WWOX: variants seen among roughly 807,000 people sequenced by gnomAD.
WWOX encodes the protein WW domain containing oxidoreductase.
WWOX carries 69 observed loss-of-function variants against 46.2 expected under a neutral mutation model. The observed-to-expected ratio is 1.49, with a 90% CI of 1.23 to 1.82. The LOEUF is 1.82. Among genes scored for constraint, WWOX ranks in the 40% most tolerant of loss-of-function variants. The pLI is 0.00. For missense variants in WWOX, 919 were observed against 542.6 expected, an observed-to-expected ratio of 1.69 and a Z score of -6.89; for synonymous variants, 359 against 202.6, an observed-to-expected ratio of 1.77 and a Z score of -6.56.
chr16:78,767,757 T>C (rs1013835232), intron 8 of WWOX, among the ~76,000 whole-genome samples: 1 of 152,158 alleles, frequency 6.6e-6, no homozygotes, highest in Non-Finnish European at 1.5e-5. Flanking sequence ...AGAATAGCCA[T>C]CTGAGTGAAG....
At chr16:78,860,239 C>T (rs1179492173) in intron 8 of WWOX, among the ~76,000 whole-genome samples, 2 of 152,112 alleles carry the variant, frequency 1.3e-5, no homozygotes, top group African/African-American at 4.8e-5. Flanking sequence ...TTTGTCAATT[C>T]CACTATAGTA....
At chr16:78,515,472 AT>A (rs2085465669) in intron 8 of WWOX, among the ~76,000 whole-genome samples, 1 of 152,234 alleles carries the variant, frequency 6.6e-6, no homozygotes, top group Admixed American at 6.5e-5. Context: ...TTTATTTCTA[AT>A]GGTTTGCTTG....
intron 8 of WWOX, among the ~76,000 whole-genome samples, chr16:79,179,061 T>C (rs1786275979): frequency 6.6e-6 from 1 of 152,158 alleles, no homozygotes; most frequent in South Asian, 2.1e-4. Context: ...TCTGTGAGCC[T>C]GGAGGTCAAG....
chr16:78,717,078 T>C (rs1185614954), intron 8 of WWOX, among the ~76,000 whole-genome samples: 1 of 152,198 alleles, frequency 6.6e-6, no homozygotes, highest in African/African-American at 2.4e-5. Context: ...AATGGCTTCA[T>C]CACATGGTGA....
intron 8 of WWOX, among the ~76,000 whole-genome samples, chr16:78,691,010 A>G (rs1457622088): frequency 6.6e-6 from 1 of 152,158 alleles, no homozygotes; most frequent in Non-Finnish European, 1.5e-5. Context: ...CCCTTTGATA[A>G]TCTCCACTAA....
intron 8 of WWOX, among the ~76,000 whole-genome samples, chr16:79,178,509 G>A (rs187931483): frequency 2.6e-5 from 4 of 152,052 alleles, no homozygotes; most frequent in Admixed American, 1.3e-4. Context: ...TAGAGACAAG[G>A]TCTCACTGTG....
rs556219135 is a variant in WWOX at position 78,110,019 on chromosome 16, A to G, written c.230+184A>G. Reference sequence around the variant, plus strand: ...TTAACATCGCTAGATTTATTCTTCTATTTTCCCCGCACACGCATCCTTAAA... The same window carrying G: ...TTAACATCGCTAGATTTATTCTTCTGTTTTCCCCGCACACGCATCCTTAAA... On this transcript the variant is annotated intron_variant, in intron 3 of 8. Coordinates refer to ENST00000566780, the MANE Select transcript of WWOX (RefSeq NM_016373.4). 1.1e-3 allele frequency among the ~76,000 whole-genome samples: 165 copies of G among 151,052 alleles called. 1 individual carries two copies. Among genetic ancestry groups the G allele is most frequent in the African/African-American group, 3.9e-3 (159 of 40,960 alleles).
chr16:78,441,080 T>C (rs1478499294), intron 8 of WWOX, among the ~76,000 whole-genome samples: 1 of 152,130 alleles, frequency 6.6e-6, no homozygotes, highest in Non-Finnish European at 1.5e-5. Context: ...GTAGCTGAGA[T>C]TACAGGTGTG....
chr16:78,352,476 G>A (rs1430067008), intron 5 of WWOX, among the ~76,000 whole-genome samples: 2 of 152,088 alleles, frequency 1.3e-5, no homozygotes, highest in African/African-American at 4.8e-5. Flanking sequence ...TTTGGCTCAT[G>A]GCCCCTTCCT....
At position 78,464,458 on chromosome 16, in the gene WWOX, C is replaced by G. The variant is rs111269445; in HGVS notation, c.1056+31706C>G. 5.5e-3 allele frequency among the ~76,000 whole-genome samples: 834 copies of G among 152,226 alleles called. 2 individuals carry two copies. Among genetic ancestry groups the G allele is most frequent in the Non-Finnish European group, 9.3e-3 (633 of 68,018 alleles). On this transcript the variant is annotated intron_variant, in intron 8 of 8. Transcript: ENST00000566780. ...AGTAGTCCACAGAAAGCACCTTGACCAAGTGACTGAATACAAATCGTATCA... is the reference window on the plus strand; with the variant it reads ...AGTAGTCCACAGAAAGCACCTTGACGAAGTGACTGAATACAAATCGTATCA...
chr16:78,804,275 C>A (rs946058185), intron 8 of WWOX, among the ~76,000 whole-genome samples: 5 of 152,114 alleles, frequency 3.3e-5, no homozygotes, highest in Non-Finnish European at 7.4e-5. Context: ...CTGCCTGAGC[C>A]GGCTGGTCTT....
chr16:79,054,788 C>T (rs746312132), intron 8 of WWOX, among the ~76,000 whole-genome samples: 6 of 151,998 alleles, frequency 3.9e-5, no homozygotes, highest in East Asian at 3.9e-4. Context: ...ATCACACCAC[C>T]GCACTCCAGC....
chr16:78,776,000 T>G (rs1307580283), intron 8 of WWOX, among the ~76,000 whole-genome samples: 1 of 152,218 alleles, frequency 6.6e-6, no homozygotes, highest in Admixed American at 6.5e-5. Flanking sequence ...TTTATTTATT[T>G]TTCTCTGCAG....
intron 4 of WWOX, among the ~76,000 whole-genome samples, chr16:78,144,140 C>T (rs569560652): frequency 3.2e-4 from 48 of 151,880 alleles, no homozygotes; most frequent in African/African-American, 1.1e-3. Flanking sequence ...CTGATTATTG[C>T]GTTATTTTAA....
At chr16:78,775,993 A>G (rs1050782982) in intron 8 of WWOX, among the ~76,000 whole-genome samples, 2 of 152,174 alleles carry the variant, frequency 1.3e-5, no homozygotes, top group African/African-American at 4.8e-5. Flanking sequence ...TTTCTCATTT[A>G]TTTATTTTTC....
At chr16:78,893,978 G>C (rs1463096649) in intron 8 of WWOX, among the ~76,000 whole-genome samples, 2 of 151,158 alleles carry the variant, frequency 1.3e-5, no homozygotes, top group East Asian at 1.9e-4. Context: ...TTGAGTACCA[G>C]GTATCCCTGA....
At chr16:78,981,348 C>G (rs1244876617) in intron 8 of WWOX, among the ~76,000 whole-genome samples, 1 of 151,982 alleles carries the variant, frequency 6.6e-6, no homozygotes, top group South Asian at 2.1e-4. Context: ...GCCAGCAGAT[C>G]TCTTTAGGGC....
chr16:78,919,015 G>C (rs1281664589), intron 8 of WWOX, among the ~76,000 whole-genome samples: 1 of 152,086 alleles, frequency 6.6e-6, no homozygotes, highest in Non-Finnish European at 1.5e-5. Context: ...GTGGTGTCAG[G>C]TAGTGTGTAA....
intron 8 of WWOX, among the ~76,000 whole-genome samples, chr16:79,172,911 C>T (rs1279892721): frequency 6.6e-6 from 1 of 151,760 alleles, no homozygotes; most frequent in Non-Finnish European, 1.5e-5. Flanking sequence ...GTCCCAGCTA[C>T]TCAGGGGGCT....
Sources: allele counts gnomAD v4.1 joint callset (sites outside exome capture counted in the v4.1 genomes callset), GRCh38; gene constraint gnomAD v4.1.1; transcripts MANE v1.5; gene names NCBI Gene and HGNC (gene_info 2026-07-23, HGNC 2026-07-21).